The following HSPB2 variants were observed in gnomAD, a reference collection of about 807,000 sequenced individuals.
HSPB2 encodes the protein heat shock protein beta-2.
In HSPB2, 14 loss-of-function variants were observed where a neutral mutation model predicts 14.1. The ratio of observed to expected loss-of-function variants is 0.99; its 90% CI spans 0.66 to 1.55. The LOEUF (loss-of-function observed/expected upper bound fraction) is 1.55. Among genes scored for constraint, HSPB2 ranks in the 40% most tolerant of loss-of-function variants. The probability of loss-of-function intolerance (pLI) is 0.00; values close to 1 mark genes in which losing one functional copy is unlikely to be tolerated. For missense variants in HSPB2, 242 were observed against 241.7 expected (o/e 1.00, Z -0.01); for synonymous variants, 110 against 103.4 (o/e 1.06, Z -0.39).
chr11:111,913,569 C>T lies in HSPB2; in HGVS notation c.223C>T (p.Gln75Ter), dbSNP rs1555165866. The change falls in exon 2 of 2, where the codon CAG becomes TAG. Residue 75 changes from glutamine to a stop codon, truncating the protein, a stop_gained. Coordinates refer to ENST00000304298, the MANE Select transcript of HSPB2 (RefSeq NM_001541.4). LOFTEE classifies it high-confidence loss of function. ...SELRLSEGKF[Q>*]AFLDVSHFTP... is the part of the protein sequence containing the mutation. ...GCTTAGGCTCAGTGAGGGCAAGTTC[C>T]AGGCATTTCTGGATGTGAGCCACTT... 6.2e-7 allele frequency: 1 copy of T among 1,614,066 alleles called. No individual in the cohort carries two copies. Among genetic ancestry groups the T allele is most frequent in the Non-Finnish European group, 8.5e-7 (1 of 1,180,032 alleles).
rs1965549006 is a variant in HSPB2, at chr11:111,913,775, C to T, written c.429C>T (p.Asn143=). Residue 143 remains asparagine, a synonymous_variant, in exon 2 of 2, where the codon AAC becomes AAT. Transcript: ENST00000304298. ...CTCTCTCCCATGATGGCATCTTAAACCTGGAAGCACCTCGGGGTGGCCGAC... is the reference window on the plus strand; with the variant it reads ...CTCTCTCCCATGATGGCATCTTAAATCTGGAAGCACCTCGGGGTGGCCGAC... ...RAALSHDGIL[N]LEAPRGGRHL... 1.2e-6 allele frequency: 2 copies of T among 1,614,172 alleles called. No individual in the cohort carries two copies. Among genetic ancestry groups the T allele is most frequent in the Non-Finnish European group, 1.7e-6 (2 of 1,180,034 alleles).
At position 111,913,534 on chromosome 11, in the gene HSPB2, G is replaced by C; in HGVS notation, c.188G>C (p.Gly63Ala). The change falls in exon 2 of 2, where the codon GGG becomes GCG. Residue 63 changes from glycine (G) to alanine (A), a missense_variant. By Grantham distance (60) the Gly-to-Ala change is moderately conservative. Transcript: ENST00000304298. The stretch of plus-strand genomic sequence containing the variant: ...CCAGCTGGGGAGGGCAGCAGGGCAG[G>C]GGCCTCCGAGCTTAGGCTCAGTGAG... ...AAPAGEGSRA[G>A]ASELRLSEGK... 6.2e-7 allele frequency: 1 copy of C among 1,614,124 alleles called. No homozygotes were observed. Among genetic ancestry groups the C allele is most frequent in the South Asian group, 1.1e-5 (1 of 91,086 alleles).
At chr11:111,913,384 C>T in intron 1 of HSPB2, 57 bp from the exon 2 acceptor site, 1 of 1,373,834 alleles carries the variant, frequency 7.3e-7, no homozygotes, top group Middle Eastern at 1.9e-4. Flanking sequence ...CCCATTTCGC[C>T]CCTGTGCCAG....
At chr11:111,913,339 C>A in intron 1 of HSPB2, 102 bp from the exon 2 acceptor site, 1 of 890,436 alleles carries the variant, frequency 1.1e-6, no homozygotes, top group Middle Eastern at 2.6e-4. Flanking sequence ...TCCTGACTCC[C>A]CTCTTGCTCT....
intron 1 of HSPB2, 86 bp downstream of exon 1, chr11:111,913,009 C>G (rs992404506): frequency 2.0e-6 from 2 of 1,014,178 alleles, no homozygotes; most frequent in Admixed American, 4.1e-5. Context: ...GCCTCCACCC[C>G]ACTCTGGGCT....
In HSPB2 at chr11:111,912,784, T is replaced by C. The variant is rs781797680; in HGVS notation, c.-46T>C. 6.9e-7 allele frequency: 1 copy of C among 1,459,162 alleles called. No homozygotes were observed. The highest frequency in any genetic ancestry group is 2.4e-4 in the Middle Eastern group (1 of 4,144). The allele number at this position is 1,459,162 out of a possible 1,614,324, so 90.4% of individuals were successfully genotyped here. On this transcript the variant is annotated 5_prime_UTR_variant, in exon 1 of 2. Transcript: ENST00000304298. ...GCAGCTGGAGGGGTCGCGCTGCGCCTGTTGGGGCTGCACCTCGGACCAGGG... is the reference window on the plus strand; with the variant it reads ...GCAGCTGGAGGGGTCGCGCTGCGCCCGTTGGGGCTGCACCTCGGACCAGGG...
At chr11:111,913,027 T>C (rs1328077160) in intron 1 of HSPB2, 104 bp downstream of exon 1, 3 of 805,686 alleles carry the variant, frequency 3.7e-6, no homozygotes, top group Admixed American at 4.5e-5. Flanking sequence ...GCTTAACTGA[T>C]CTCCTGGGAC....
Position 111,912,773 on chromosome 11 carries a change from C to A in HSPB2, c.-57C>A. On this transcript the variant is annotated 5_prime_UTR_variant, in exon 1 of 2. Transcript: ENST00000304298. ...TGGCTCTCCGGGCAGCTGGAGGGGT[C>A]GCGCTGCGCCTGTTGGGGCTGCACC... 7.6e-7 allele frequency: 1 copy of A among 1,315,834 alleles called. No homozygotes were observed. The highest frequency in any genetic ancestry group is 1.2e-5 in the South Asian group (1 of 80,088). 81.5% of individuals were successfully genotyped at this position (1,315,834 alleles called of 1,614,324 possible). A position where few individuals can be genotyped will look rare whatever the true frequency, so the allele number is the denominator to read the frequency against.
rs371239738 is a variant in HSPB2, at chr11:111,913,506, G to A, written c.160G>A (p.Ala54Thr). The part of the protein sequence containing the change: ...YHGYYVRPRA[A>T]PAGEGSRAGA... ...TGGCTACTATGTCCGGCCTCGGGCC[G>A]CCCCAGCTGGGGAGGGCAGCAGGGC... The change falls in exon 2 of 2, where the codon GCC (alanine) becomes ACC (threonine). Residue 54 changes from alanine (A) to threonine (T), a missense_variant. Coordinates refer to ENST00000304298, the MANE Select transcript of HSPB2 (RefSeq NM_001541.4). The A allele has an allele frequency of 1.5e-4, 236 of 1,613,728 alleles. No individual in the cohort carries two copies. The highest frequency in any genetic ancestry group is 1.9e-4 in the Non-Finnish European group (230 of 1,180,018).
Position 111,912,780 on chromosome 11 carries a change from C to A in HSPB2, c.-50C>A. On this transcript the variant is annotated 5_prime_UTR_variant, in exon 1 of 2. Coordinates refer to ENST00000304298, the MANE Select transcript of HSPB2 (RefSeq NM_001541.4). ...CCGGGCAGCTGGAGGGGTCGCGCTGCGCCTGTTGGGGCTGCACCTCGGACC... is the reference window on the plus strand; with the variant it reads ...CCGGGCAGCTGGAGGGGTCGCGCTGAGCCTGTTGGGGCTGCACCTCGGACC... 1 of 1,455,300 alleles carries A rather than the reference C, an allele frequency of 6.9e-7. No individual in the cohort carries two copies. Among genetic ancestry groups the A allele is most frequent in the Non-Finnish European group, 9.4e-7 (1 of 1,060,960 alleles). The allele number at this position is 1,455,300 out of a possible 1,614,324, so 90.1% of individuals were successfully genotyped here. A position where few individuals can be genotyped will look rare whatever the true frequency, so the allele number is the denominator to read the frequency against.
Position 111,913,201 on chromosome 11 carries a change from GCCTCCTCCTCCTCCC to G in HSPB2, c.95-227_95-213del, listed in dbSNP as rs1184247477. On this transcript the variant is annotated intron_variant, in intron 1 of 1. Coordinates refer to ENST00000304298, the MANE Select transcript of HSPB2 (RefSeq NM_001541.4). ...CTTCTATCCACCCAGGCCGTTTGGT[GCCTCCTCCTCCTCCC>G]CCTCCTCCTCCTTCTCCTCCTCCTC... 622 of 602,864 alleles carry G rather than the reference GCCTCCTCCTCCTCCC, an allele frequency of 1.0e-3. 11 individuals are homozygous for G. In the South Asian group the frequency reaches 0.012, roughly 11 times the overall value. 37.3% of individuals were successfully genotyped at this position (602,864 alleles called of 1,614,324 possible).
rs782167833 is a variant in HSPB2 at position 111,913,768 on chromosome 11, T to C, written c.422T>C (p.Ile141Thr). 6.2e-7 allele frequency: 1 copy of C among 1,614,154 alleles called. No individual in the cohort carries two copies. The highest frequency in any genetic ancestry group is 1.1e-5 in the South Asian group (1 of 91,090). Residue 141 changes from isoleucine (I) to threonine (T), a missense_variant, in exon 2 of 2, where the codon ATC (isoleucine) becomes ACC (threonine). Physicochemically the swap from Ile to Thr is moderately conservative, Grantham distance 89. Transcript: ENST00000304298. ...CGAGCTGCTCTCTCCCATGATGGCA[T>C]CTTAAACCTGGAAGCACCTCGGGGT... Reference protein sequence around the residue: ...RVRAALSHDGILNLEAPRGGR... With the variant: ...RVRAALSHDGTLNLEAPRGGR...
chr11:111,913,825 T>G lies in HSPB2; in HGVS notation c.479T>G (p.Val160Gly), dbSNP rs782315130. 24 of 1,614,028 alleles carry G rather than the reference T, an allele frequency of 1.5e-5. 1 individual carries two copies. The South Asian group carries it at 2.6e-4, about 18-fold the overall frequency. ...CATTTGGACACAGAGGTCAATGAGG[T>G]CTACATCTCCCTGCTCCCTGCGCCT... ...GRHLDTEVNE[V>G]YISLLPAPPD... The change falls in exon 2 of 2, where the codon GTC (valine) becomes GGC (glycine). Residue 160 changes from valine to glycine, a missense_variant. By Grantham distance (109) the Val-to-Gly change is moderately radical. Coordinates refer to ENST00000304298, the MANE Select transcript of HSPB2 (RefSeq NM_001541.4).
chr11:111,912,787 T>G lies in HSPB2; in HGVS notation c.-43T>G, dbSNP rs1308064722. On this transcript the variant is annotated 5_prime_UTR_variant, in exon 1 of 2. Transcript: ENST00000304298. ...GCTGGAGGGGTCGCGCTGCGCCTGT[T>G]GGGGCTGCACCTCGGACCAGGGCTT... 1 of 1,504,830 alleles carries G rather than the reference T, an allele frequency of 6.6e-7. No homozygotes were observed. Among genetic ancestry groups the G allele is most frequent in the Admixed American group, 1.9e-5 (1 of 52,334 alleles). The allele number at this position is 1,504,830 out of a possible 1,614,324, so 93.2% of individuals were successfully genotyped here.
Position 111,913,604 on chromosome 11 carries a change from C to T in HSPB2, c.258C>T (p.Asp86=), listed in dbSNP as rs141344478. The part of the protein sequence containing the change: ...AFLDVSHFTP[D]EVTVRTVDNL... ...TGGATGTGAGCCACTTTACCCCAGA[C>T]GAGGTGACTGTGAGGACTGTGGATA... The change falls in exon 2 of 2, where the codon GAC becomes GAT. Residue 86 remains aspartate, a synonymous_variant. Transcript: ENST00000304298. 7.8e-5 allele frequency: 126 copies of T among 1,614,080 alleles called. No individual in the cohort carries two copies. The highest frequency in any genetic ancestry group is 1.0e-4 in the Non-Finnish European group (118 of 1,180,044).
In HSPB2 at chr11:111,914,081, C is replaced by A; in HGVS notation, c.*186C>A. The A allele has an allele frequency of 5.0e-6, 3 of 604,990 alleles. No homozygotes were observed. The highest frequency in any genetic ancestry group is 2.9e-6 in the Non-Finnish European group (1 of 347,906). 37.5% of individuals were successfully genotyped at this position (604,990 alleles called of 1,614,324 possible). A position where few individuals can be genotyped will look rare whatever the true frequency, so the allele number is the denominator to read the frequency against. On this transcript the variant is annotated 3_prime_UTR_variant, in exon 2 of 2. Coordinates refer to ENST00000304298, the MANE Select transcript of HSPB2 (RefSeq NM_001541.4). The stretch of plus-strand genomic sequence containing the variant: ...AGTTTTGGGTGGAGCTGAATAAACC[C>A]AAATCTCAGGGCCTTGTTTGTACTG...
At position 111,912,751 on chromosome 11, in the gene HSPB2, C is replaced by T; in HGVS notation, c.-79C>T. 1 of 1,055,172 alleles carries T rather than the reference C, an allele frequency of 9.5e-7. No individual in the cohort carries two copies. The highest frequency in any genetic ancestry group is 1.4e-6 in the Non-Finnish European group (1 of 735,930). 65.4% of individuals were successfully genotyped at this position (1,055,172 alleles called of 1,614,324 possible). On this transcript the variant is annotated 5_prime_UTR_variant, in exon 1 of 2. Coordinates refer to ENST00000304298, the MANE Select transcript of HSPB2 (RefSeq NM_001541.4). ...GCCCCCACCTCCTATCGAGCCCTGG[C>T]TCTCCGGGCAGCTGGAGGGGTCGCG... is the stretch of plus-strand genomic sequence containing the variant.
chr11:111,914,086 C>T lies in HSPB2; in HGVS notation c.*191C>T. 1 of 602,856 alleles carries T rather than the reference C, an allele frequency of 1.7e-6. No individual in the cohort carries two copies. The highest frequency in any genetic ancestry group is 2.9e-6 in the Non-Finnish European group (1 of 345,206). The allele number at this position is 602,856 out of a possible 1,614,324, so 37.3% of individuals were successfully genotyped here. On this transcript the variant is annotated 3_prime_UTR_variant, in exon 2 of 2. Coordinates refer to ENST00000304298, the MANE Select transcript of HSPB2 (RefSeq NM_001541.4). ...TGGGTGGAGCTGAATAAACCCAAATCTCAGGGCCTTGTTTGTACTGCTCCC... is the reference window on the plus strand; with the variant it reads ...TGGGTGGAGCTGAATAAACCCAAATTTCAGGGCCTTGTTTGTACTGCTCCC...
Position 111,912,915 on chromosome 11 carries a change from T to A in HSPB2, c.86T>A (p.Phe29Tyr). Residue 29 changes from phenylalanine (F) to tyrosine (Y), a missense_variant, in exon 1 of 2, where the codon TTC (phenylalanine) becomes TAC (tyrosine). Phe to Tyr is a conservative substitution (Grantham distance 22). Coordinates refer to ENST00000304298, the MANE Select transcript of HSPB2 (RefSeq NM_001541.4). The part of the protein sequence containing the change: ...ANPSRLGEQR[F>Y]GEGLLPEEIL... ...CCGAGCCGCCTGGGTGAGCAGCGCTTCGGAGAAGGTATGGCACAGACACCA... is the reference window on the plus strand; with the variant it reads ...CCGAGCCGCCTGGGTGAGCAGCGCTACGGAGAAGGTATGGCACAGACACCA... The A allele has an allele frequency of 6.2e-7, 1 of 1,604,124 alleles. No homozygotes were observed. The highest frequency in any genetic ancestry group is 8.5e-7 in the Non-Finnish European group (1 of 1,176,796).
Sources: allele counts gnomAD v4.1 joint callset, GRCh38; gene constraint gnomAD v4.1.1; transcripts MANE v1.5; gene names NCBI Gene and HGNC (gene_info 2026-07-23, HGNC 2026-07-21).